CNTN6: variants seen among roughly 807,000 people sequenced by gnomAD.
CNTN6 encodes the protein contactin-6.
A neutral mutation model predicts 122.8 loss-of-function variants in CNTN6; 137 were observed. The observed-to-expected ratio is 1.12, with a 90% CI of 0.97 to 1.29. CNTN6 has a LOEUF of 1.29. Among genes scored for constraint, CNTN6 ranks in the 50% most tolerant of loss-of-function variants. The pLI is 0.00. For missense variants in CNTN6, 1,634 were observed against 1,223.4 expected (o/e 1.34, Z -5.01); for synonymous variants, 570 against 426.0 (o/e 1.34, Z -4.16).
chr3:1,132,212 G>T, intron 1 of CNTN6, among the ~76,000 whole-genome samples: 1 of 151,996 alleles, frequency 6.6e-6, no homozygotes. Context: ...CTTGTAATAT[G>T]ATCAATACTT....
In CNTN6 at chr3:1,321,720, T is replaced by C. The variant is rs775591980; in HGVS notation, c.832T>C (p.Ser278Pro). 6.2e-7 allele frequency: 1 copy of C among 1,611,726 alleles called. No individual in the cohort carries two copies. The highest frequency in any genetic ancestry group is 8.5e-7 in the Non-Finnish European group (1 of 1,178,562). ...GCCAGGGAAAGTCAAGTACAGCAAA[T>C]CCCAAGCTATCCTTGAAATCCCGAA... Reference protein sequence around the residue: ...PLPGKVKYSKSQAILEIPNFQ... With the variant: ...PLPGKVKYSKPQAILEIPNFQ... Residue 278 changes from serine (S) to proline (P), a missense_variant, in exon 8 of 23, where the codon TCC (serine) becomes CCC (proline). Ser to Pro is a moderately conservative substitution (Grantham distance 74). Coordinates refer to ENST00000446702, the MANE Select transcript of CNTN6 (RefSeq NM_001289080.2).
chr3:1,254,056 A>T (rs1202397176), intron 4 of CNTN6, among the ~76,000 whole-genome samples: 2 of 152,182 alleles, frequency 1.3e-5, no homozygotes, highest in African/African-American at 4.8e-5. Flanking sequence ...AAAATTTCAA[A>T]CATACAGAAA....
chr3:1,249,724 A>G (rs114095287), intron 4 of CNTN6, among the ~76,000 whole-genome samples: 2,227 of 152,212 alleles, frequency 0.015, 32 homozygotes, highest in Middle Eastern at 0.024. Context: ...AGATTATATA[A>G]CCCTCCTGTA....
At chr3:1,285,382 G>A (rs546751957) in intron 5 of CNTN6, among the ~76,000 whole-genome samples, 2 of 152,190 alleles carry the variant, frequency 1.3e-5, no homozygotes, top group South Asian at 4.1e-4. Flanking sequence ...TGTTTTAGGA[G>A]ATGTTAATGT....
At position 1,260,292 on chromosome 3, in the gene CNTN6, C is replaced by T. The variant is rs769542085; in HGVS notation, c.359-18121C>T. ...CAATTGCCTGTGTGCCTGTGGCTTC[C>T]GGATGGGGGTTCCGATTCAAAACAT... On this transcript the variant is annotated intron_variant, in intron 4 of 22. Transcript: ENST00000446702. Among the ~76,000 whole-genome samples, 73 of 152,108 alleles carry T rather than the reference C, an allele frequency of 4.8e-4. No homozygotes were observed. The Middle Eastern group carries it at 0.01, about 21-fold the overall frequency.
chr3:1,263,730 C>T (rs1053990308), intron 4 of CNTN6, among the ~76,000 whole-genome samples: 2 of 151,854 alleles, frequency 1.3e-5, no homozygotes, highest in Admixed American at 6.6e-5. Context: ...ACACTGAACT[C>T]GCGGGAAAAC....
intron 2 of CNTN6, among the ~76,000 whole-genome samples, chr3:1,208,654 A>G (rs2093991184): frequency 6.6e-6 from 1 of 152,102 alleles, no homozygotes; most frequent in South Asian, 2.1e-4. Context: ...CAGTTTGCCT[A>G]GACTCAAAAT....
At chr3:1,270,927 A>C (rs747846987) in intron 4 of CNTN6, among the ~76,000 whole-genome samples, 15 of 152,054 alleles carry the variant, frequency 9.9e-5, no homozygotes, top group Non-Finnish European at 2.1e-4. Context: ...TTTTGAGACA[A>C]AGTCTGACTC....
chr3:1,330,379 G>T (rs772463851), intron 11 of CNTN6, among the ~76,000 whole-genome samples: 4 of 151,792 alleles, frequency 2.6e-5, no homozygotes, highest in Non-Finnish European at 4.4e-5. Context: ...ATGTAGAGAG[G>T]TTCCTGTAGA....
chr3:1,387,152 A>G (rs777367474), intron 20 of CNTN6, among the ~76,000 whole-genome samples: 2 of 151,278 alleles, frequency 1.3e-5, no homozygotes, highest in Non-Finnish European at 3.0e-5. Flanking sequence ...TCCTTCCCAA[A>G]TTACCCATGA....
chr3:1,177,780 G>A (rs1575131509), intron 2 of CNTN6, among the ~76,000 whole-genome samples: 2 of 151,204 alleles, frequency 1.3e-5, no homozygotes, highest in African/African-American at 4.8e-5. Context: ...CGGTATATAT[G>A]TATAAATTTT....
chr3:1,313,939 C>A (rs1227603648), intron 7 of CNTN6, among the ~76,000 whole-genome samples: 3 of 152,028 alleles, frequency 2.0e-5, no homozygotes, highest in Non-Finnish European at 4.4e-5. Flanking sequence ...TATAAGAACA[C>A]TAATCCCACT....
chr3:1,361,588 T>G (rs1707473093), intron 12 of CNTN6, among the ~76,000 whole-genome samples: 1 of 152,140 alleles, frequency 6.6e-6, no homozygotes, highest in African/African-American at 2.4e-5. Context: ...CTCTTCAAGC[T>G]ATTATCTAAA....
At chr3:1,299,636 C>G (rs1160485071) in intron 7 of CNTN6, among the ~76,000 whole-genome samples, 1 of 152,156 alleles carries the variant, frequency 6.6e-6, no homozygotes, top group East Asian at 1.9e-4. Context: ...GTAACCTGTT[C>G]AATCTTATGT....
At chr3:1,187,968 A>C (rs917388381) in intron 2 of CNTN6, among the ~76,000 whole-genome samples, 1 of 152,106 alleles carries the variant, frequency 6.6e-6, no homozygotes, top group African/African-American at 2.4e-5. Context: ...CCCACACTGC[A>C]CCACCTTCCT....
chr3:1,170,064 G>C (rs1292653224), intron 2 of CNTN6, among the ~76,000 whole-genome samples: 2 of 151,702 alleles, frequency 1.3e-5, no homozygotes, highest in African/African-American at 4.8e-5. Flanking sequence ...GTGAAGCCCT[G>C]TCTCTACCAA....
chr3:1,354,003 T>C (rs973575002), intron 12 of CNTN6, among the ~76,000 whole-genome samples: 1 of 151,448 alleles, frequency 6.6e-6, no homozygotes, highest in Non-Finnish European at 1.5e-5. Context: ...CTCTGGAGGA[T>C]AAGAAAAACA....
intron 2 of CNTN6, among the ~76,000 whole-genome samples, chr3:1,212,672 A>G (rs549635676): frequency 6.6e-6 from 1 of 151,968 alleles, no homozygotes; most frequent in Non-Finnish European, 1.5e-5. Context: ...AAGCACAAGT[A>G]TTTGAAAATG....
intron 5 of CNTN6, among the ~76,000 whole-genome samples, chr3:1,290,593 C>T (rs150740758): frequency 6.6e-6 from 1 of 152,118 alleles, no homozygotes; most frequent in Non-Finnish European, 1.5e-5. Context: ...CAGGGCGTGC[C>T]CATAGATTAA....
Sources: gnomAD v4.1 joint callset for allele counts (sites outside exome capture counted in the v4.1 genomes callset) on GRCh38, gnomAD v4.1.1 for gene constraint, MANE v1.5 for transcripts, NCBI Gene and HGNC (gene_info 2026-07-23, HGNC 2026-07-21) for gene names.